Variants in WDFY3 observed in about 807,000 individuals in gnomAD.
WDFY3 encodes WD repeat and FYVE domain-containing protein 3.
A neutral mutation model predicts 409.6 loss-of-function variants in WDFY3; 66 were observed. The observed-to-expected ratio is 0.16, with a 90% confidence interval of 0.13 to 0.20. The LOEUF is 0.20. Ranked by LOEUF, WDFY3 falls within the 10% of genes least tolerant of loss-of-function variation. The pLI is 1.00. For missense variants in WDFY3, 3,031 were observed against 4,298.1 expected (o/e 0.71, Z 8.24); for synonymous variants, 1,521 against 1,537.1 (o/e 0.99, Z 0.25).
chr4:84,680,632 T>C (rs533140283), intron 64 of WDFY3, among the ~76,000 whole-genome samples: 1 of 152,358 alleles, frequency 6.6e-6, no homozygotes, highest in South Asian at 2.1e-4. Context: ...GGGTTCCACA[T>C]CCATGGATTC....
intron 2 of WDFY3, among the ~76,000 whole-genome samples, chr4:84,925,043 G>C (rs1382010194): frequency 6.6e-6 from 1 of 152,134 alleles, no homozygotes; most frequent in African/African-American, 2.4e-5. Flanking sequence ...AAAATCTAAA[G>C]GTGTTTCTTC....
chr4:84,766,900 T>C (rs1164059167), intron 30 of WDFY3, among the ~76,000 whole-genome samples: 1 of 152,156 alleles, frequency 6.6e-6, no homozygotes, highest in African/African-American at 2.4e-5. Context: ...AACGAAGAAA[T>C]GGAGCTGAGA....
At chr4:84,849,226 G>A (rs1173829295) in intron 5 of WDFY3, among the ~76,000 whole-genome samples, 1 of 152,114 alleles carries the variant, frequency 6.6e-6, no homozygotes, top group Non-Finnish European at 1.5e-5. Context: ...CTGGCCTAGA[G>A]AGCAACTACT....
chr4:84,932,939 A>C (rs532560268), intron 1 of WDFY3, among the ~76,000 whole-genome samples: 30 of 152,152 alleles, frequency 2.0e-4, no homozygotes, highest in Non-Finnish European at 3.8e-4. Flanking sequence ...TTACCAGTCA[A>C]TATTTCAATA....
At chr4:84,861,197 ACT>A (rs1312458839) in intron 3 of WDFY3, among the ~76,000 whole-genome samples, 1 of 151,954 alleles carries the variant, frequency 6.6e-6, no homozygotes, top group African/African-American at 2.4e-5. Context: ...GGTGACAGAG[ACT>A]CTGTCTTTAA....
chr4:84,962,147 G>C (rs1774996542), intron 1 of WDFY3, among the ~76,000 whole-genome samples: 1 of 152,210 alleles, frequency 6.6e-6, no homozygotes, highest in South Asian at 2.1e-4. Flanking sequence ...GCTGGAGCTG[G>C]CTGGTACCAG....
At chr4:84,879,672 T>TA (rs892418830) in intron 3 of WDFY3, among the ~76,000 whole-genome samples, 2 of 148,246 alleles carry the variant, frequency 1.3e-5, no homozygotes, top group Admixed American at 6.7e-5. Context: ...TACATCAAAA[T>TA]AAAAAAAAAG....
chr4:84,752,334 C>T (rs571764786), intron 35 of WDFY3, among the ~76,000 whole-genome samples: 2 of 151,932 alleles, frequency 1.3e-5, no homozygotes, highest in East Asian at 1.9e-4. Flanking sequence ...GCCAACATGG[C>T]GAAACCCCAT....
At chr4:84,727,149 A>G (rs564267610) in intron 44 of WDFY3, among the ~76,000 whole-genome samples, 2 of 152,314 alleles carry the variant, frequency 1.3e-5, no homozygotes, top group East Asian at 1.9e-4. Flanking sequence ...GCTACTGAAC[A>G]GGACAAACTC....
At chr4:84,684,166 C>T in intron 62 of WDFY3, 41 bp from the exon 63 acceptor site, 1 of 1,473,848 alleles carries the variant, frequency 6.8e-7, no homozygotes. Context: ...TTGCTCCCTT[C>T]CAATTACCTT....
At chr4:84,677,140 TA>T in intron 67 of WDFY3, 58 bp downstream of exon 67, 10 of 1,594,056 alleles carry the variant, frequency 6.3e-6, no homozygotes, top group Non-Finnish European at 8.6e-6. Flanking sequence ...GTGCAGGACA[TA>T]ATTAACAACC....
intron 64 of WDFY3, among the ~76,000 whole-genome samples, chr4:84,680,235 C>CAT (rs1727125784): frequency 6.6e-6 from 1 of 152,062 alleles, no homozygotes; most frequent in Admixed American, 6.6e-5. Flanking sequence ...AGGGCCATTG[C>CAT]ATATAGTGGT....
At chr4:84,795,333 C>A (rs1749209784) in intron 19 of WDFY3, among the ~76,000 whole-genome samples, 1 of 152,196 alleles carries the variant, frequency 6.6e-6, no homozygotes, top group Admixed American at 6.5e-5. Flanking sequence ...CTTGTTACCA[C>A]TGATTGCTTT....
intron 44 of WDFY3, among the ~76,000 whole-genome samples, chr4:84,727,242 A>C (rs538322270): frequency 2.8e-4 from 43 of 152,294 alleles, no homozygotes; most frequent in Admixed American, 9.8e-4. Context: ...TTGTTTAAAA[A>C]AAAAAACAAA....
At chr4:84,738,965 A>G in intron 40 of WDFY3, 45 bp downstream of exon 40, 1 of 1,602,786 alleles carries the variant, frequency 6.2e-7, no homozygotes, top group Non-Finnish European at 8.5e-7. Context: ...AAAACTGGAG[A>G]TAAAACAACC....
intron 1 of WDFY3, among the ~76,000 whole-genome samples, chr4:84,938,361 G>A (rs555780929): frequency 1.3e-5 from 2 of 152,220 alleles, no homozygotes; most frequent in African/African-American, 2.4e-5. Context: ...TGATAATGAT[G>A]ATAACCTCAA....
intron 2 of WDFY3, among the ~76,000 whole-genome samples, chr4:84,931,020 ATTG>A (rs1173541998): frequency 1.3e-5 from 2 of 152,156 alleles, no homozygotes; most frequent in Non-Finnish European, 2.9e-5. Flanking sequence ...AGTAGTTATT[ATTG>A]TTAATCTCTT....
chr4:84,842,725 G>A (rs1418729911), intron 5 of WDFY3, among the ~76,000 whole-genome samples: 1 of 152,120 alleles, frequency 6.6e-6, no homozygotes, highest in Non-Finnish European at 1.5e-5. Context: ...AGGGTGCAGT[G>A]AGCGGAGATC....
At chr4:84,907,270 G>A (rs541105179) in intron 2 of WDFY3, among the ~76,000 whole-genome samples, 1 of 152,222 alleles carries the variant, frequency 6.6e-6, no homozygotes, top group East Asian at 1.9e-4. Flanking sequence ...TTAGCAACAC[G>A]TTTCTAAGGA....
Sources: allele counts gnomAD v4.1 joint callset (sites outside exome capture counted in the v4.1 genomes callset), GRCh38; gene constraint gnomAD v4.1.1; transcripts MANE v1.5; gene names NCBI Gene and HGNC (gene_info 2026-07-23, HGNC 2026-07-21).